DNAH14: variants seen among roughly 807,000 people sequenced by gnomAD.
DNAH14 encodes the protein axonemal beta dynein heavy chain 14.
In DNAH14, 478 loss-of-function variants were observed where a neutral mutation model predicts 520.9. The observed-to-expected ratio is 0.92, with a 90% CI of 0.85 to 0.99. The LOEUF (loss-of-function observed/expected upper bound fraction) is 0.99. Among genes scored for constraint, DNAH14 ranks in the 50% least tolerant of loss-of-function variants. The pLI, the probability that DNAH14 is intolerant of heterozygous loss-of-function variation, is 0.00. For missense variants in DNAH14, 4,831 were observed against 5,234.5 expected (o/e 0.92, Z 2.38); for synonymous variants, 1,581 against 1,757.2 (o/e 0.90, Z 2.51).
In DNAH14 at chr1:225,335,607, A is replaced by ACATC. The variant is rs1443546137; in HGVS notation, c.10081-1659_10081-1658insCATC. Among the ~76,000 whole-genome samples the ACATC allele has an allele frequency of 1.6e-4, 17 of 108,046 alleles. 1 individual carries two copies. Among genetic ancestry groups the ACATC allele is most frequent in the African/African-American group, 4.4e-4 (13 of 29,612 alleles). The allele number at this position is 108,046 out of a possible 152,430, so 70.9% of individuals were successfully genotyped here. On this transcript the variant is annotated intron_variant, in intron 66 of 85. Transcript: ENST00000682510. The stretch of plus-strand genomic sequence containing the variant: ...TGCATATATGTATATACGCATACGT[A>ACATC]TATGTGTATATACGCATATATACAT...
intron 71 of DNAH14, among the ~76,000 whole-genome samples, chr1:225,347,328 T>A (rs2095301072): frequency 6.6e-6 from 1 of 152,174 alleles, no homozygotes; most frequent in Non-Finnish European, 1.5e-5. Flanking sequence ...GCATCCAGGC[T>A]ATTGTAAAAC....
rs894192326 is a variant in DNAH14, at chr1:225,309,579, C to T, written c.9240+1169C>T. On this transcript the variant is annotated intron_variant, in intron 60 of 85. Transcript: ENST00000682510. ...CTGCAATGCCAACCACCTGAAGGTG[C>T]CACTGTTGATCAATATATTAAATAT... 3.9e-5 allele frequency among the ~76,000 whole-genome samples: 6 copies of T among 152,120 alleles called. 1 individual carries two copies. Among genetic ancestry groups the T allele is most frequent in the African/African-American group, 9.7e-5 (4 of 41,430 alleles).
At chr1:225,265,450 G>T (rs995571323) in intron 48 of DNAH14, 81 bp downstream of exon 48, 2 of 1,230,264 alleles carry the variant, frequency 1.6e-6, no homozygotes. Flanking sequence ...CTAATCAGAA[G>T]AAAAATATTT....
chr1:225,285,885 T>A (rs1268796653), intron 54 of DNAH14, among the ~76,000 whole-genome samples: 4 of 152,128 alleles, frequency 2.6e-5, no homozygotes, highest in South Asian at 2.1e-4. Context: ...GAAGAAACAG[T>A]TACCTTGTTA....
At chr1:225,377,676 A>G (rs1306651199) in intron 79 of DNAH14, among the ~76,000 whole-genome samples, 1 of 152,180 alleles carries the variant, frequency 6.6e-6, no homozygotes, top group African/African-American at 2.4e-5. Flanking sequence ...CCTGTCTAAA[A>G]AAAAAATTCA....
chr1:225,067,261 T>C (rs772278749), intron 17 of DNAH14, among the ~76,000 whole-genome samples: 1 of 152,144 alleles, frequency 6.6e-6, no homozygotes, highest in Non-Finnish European at 1.5e-5. Context: ...GACAATGGCC[T>C]CCAGCTTCAT....
intron 27 of DNAH14, among the ~76,000 whole-genome samples, chr1:225,124,005 A>G (rs775677684): frequency 6.6e-6 from 1 of 152,066 alleles, no homozygotes; most frequent in Non-Finnish European, 1.5e-5. Flanking sequence ...TGCCCACCTC[A>G]GCCTCCCAAA....
At chr1:225,080,356 A>C in intron 18 of DNAH14, 23 bp from the exon 19 acceptor site, 2 of 1,493,700 alleles carry the variant, frequency 1.3e-6, no homozygotes, top group Non-Finnish European at 1.8e-6. Flanking sequence ...TTTCTCTTAG[A>C]AAGTCCTACT....
At chr1:224,940,867 C>G (rs1571903455) in intron 1 of DNAH14, among the ~76,000 whole-genome samples, 1 of 152,160 alleles carries the variant, frequency 6.6e-6, no homozygotes, top group South Asian at 2.1e-4. Flanking sequence ...TTTATGGCTG[C>G]ATAGTATTCC....
At chr1:225,118,124 T>C (rs752208028) in intron 25 of DNAH14, 125 bp downstream of exon 25, 1 of 766,748 alleles carries the variant, frequency 1.3e-6, no homozygotes, top group South Asian at 1.5e-5. Flanking sequence ...ATTATATCCT[T>C]ACGTAAATAT....
At chr1:225,291,492 C>T (rs965649551) in intron 55 of DNAH14, among the ~76,000 whole-genome samples, 2 of 152,120 alleles carry the variant, frequency 1.3e-5, no homozygotes, top group African/African-American at 2.4e-5. Context: ...TCATGGCTCA[C>T]TGAAGCCCCG....
intron 42 of DNAH14, among the ~76,000 whole-genome samples, chr1:225,239,364 A>G (rs584720): frequency 0.21 from 31,521 of 151,874 alleles, 3,451 homozygotes; most frequent in East Asian, 0.37. Flanking sequence ...AGATCCATGG[A>G]AGAAGCAGTG....
chr1:225,332,943 G>T (rs2094833422), intron 65 of DNAH14, among the ~76,000 whole-genome samples: 1 of 152,000 alleles, frequency 6.6e-6, no homozygotes, highest in Admixed American at 6.6e-5. Context: ...GATCAAGGCT[G>T]CAGTGAGCTG....
chr1:225,381,296 C>T, intron 80 of DNAH14, 87 bp from the exon 81 acceptor site: 1 of 1,328,080 alleles, frequency 7.5e-7, no homozygotes, highest in Non-Finnish European at 1.0e-6. Flanking sequence ...CACAAAATTC[C>T]CTTAACTTTC....
intron 3 of DNAH14, 140 bp from the exon 4 acceptor site, chr1:224,960,013 G>A: frequency 1.4e-6 from 1 of 733,256 alleles, no homozygotes; most frequent in South Asian, 3.6e-5. Flanking sequence ...AACCCAGGCA[G>A]TGGGATTCAG....
In DNAH14 at chr1:225,252,357, C is replaced by T. The variant is rs1322203801; in HGVS notation, c.6805C>T (p.Gln2269Ter). Residue 2269 changes from glutamine to a stop codon, truncating the protein, a stop_gained, in exon 44 of 86, where the codon CAA (glutamine) becomes TAA (stop). Coordinates refer to ENST00000682510, the MANE Select transcript of DNAH14 (RefSeq NM_001367479.1). LOFTEE classifies it high-confidence loss of function. The stretch of plus-strand genomic sequence containing the variant: ...CTTTGGATATTTTGTGGATATAGAG[C>T]AATGTGAATTCATACCTTGGTCAGA... ...SIFGYFVDIE[Q>*]CEFIPWSDLV... 7 of 1,549,852 alleles carry T rather than the reference C, an allele frequency of 4.5e-6. No homozygotes were observed. The highest frequency in any genetic ancestry group is 1.4e-5 in the African/African-American group (1 of 72,982).
intron 41 of DNAH14, among the ~76,000 whole-genome samples, chr1:225,209,529 G>A (rs772041851): frequency 5.9e-5 from 9 of 152,064 alleles, no homozygotes; most frequent in Non-Finnish European, 1.2e-4. Flanking sequence ...ACAATTTATT[G>A]TGAATAGCTA....
At chr1:225,312,324 T>A (rs886597566) in intron 60 of DNAH14, among the ~76,000 whole-genome samples, 5 of 152,214 alleles carry the variant, frequency 3.3e-5, no homozygotes, top group African/African-American at 9.6e-5. Context: ...AAGTTGCTTA[T>A]CAGCTTAAGG....
chr1:224,955,526 G>C (rs1356934278), intron 3 of DNAH14, among the ~76,000 whole-genome samples: 1 of 151,942 alleles, frequency 6.6e-6, no homozygotes, highest in East Asian at 1.9e-4. Context: ...CATTTTTTAA[G>C]TCTTTTTTCC....
Sources: allele counts gnomAD v4.1 joint callset (sites outside exome capture counted in the v4.1 genomes callset), GRCh38; gene constraint gnomAD v4.1.1; transcripts MANE v1.5; gene names NCBI Gene and HGNC (gene_info 2026-07-23, HGNC 2026-07-21).